The following FAM114A1 variants were observed in gnomAD, a reference collection of about 807,000 sequenced individuals.
The protein encoded by FAM114A1 is protein NOXP20.
A neutral mutation model predicts 64.3 loss-of-function variants in FAM114A1; 62 were observed. The observed-to-expected ratio is 0.96, with a 90% CI of 0.79 to 1.19. The LOEUF (loss-of-function observed/expected upper bound fraction) is 1.19, where lower values mean the gene tolerates loss of function less well. FAM114A1 is among the 50% of genes most tolerant of loss of function. The pLI, the probability that FAM114A1 is intolerant of heterozygous loss-of-function variation, is 0.00. For missense variants in FAM114A1, 645 were observed against 676.3 expected, an observed-to-expected ratio of 0.95 and a Z score of 0.51; for synonymous variants, 254 against 251.1, an observed-to-expected ratio of 1.01 and a Z score of -0.11.
At chr4:38,893,352 C>T (rs1297419231) in intron 4 of FAM114A1, among the ~76,000 whole-genome samples, 1 of 152,210 alleles carries the variant, frequency 6.6e-6, no homozygotes, top group Non-Finnish European at 1.5e-5. Flanking sequence ...CAGCTCTTCT[C>T]GTGGTTTATA....
rs144432688 is a variant in FAM114A1, at chr4:38,932,281, G to T, written c.1370G>T (p.Arg457Leu). 3.1e-6 allele frequency: 5 copies of T among 1,613,346 alleles called. No individual in the cohort carries two copies. Among genetic ancestry groups the T allele is most frequent in the Non-Finnish European group, 8.5e-7 (1 of 1,179,906 alleles). ...SIESLAEVTA[R>L]CIEQLHKVAE... Reference sequence around the variant, plus strand: ...GAAAGTCTGGCGGAGGTAACAGCGCGCTGTATTGAGCAGCTTCATAAAGTA... The same window carrying T: ...GAAAGTCTGGCGGAGGTAACAGCGCTCTGTATTGAGCAGCTTCATAAAGTA... The change falls in exon 12 of 15, where the codon CGC (arginine) becomes CTC (leucine). Residue 457 changes from arginine (R) to leucine (L), a missense_variant. By Grantham distance (102) the Arg-to-Leu change is moderately radical (BLOSUM62 -2). Transcript: ENST00000358869.
At chr4:38,874,038 A>C (rs867443556) in intron 2 of FAM114A1, among the ~76,000 whole-genome samples, 1 of 152,202 alleles carries the variant, frequency 6.6e-6, no homozygotes, top group Non-Finnish European at 1.5e-5. Context: ...ATGTAGATAG[A>C]TTCTCAATAA....
chr4:38,930,568 T>C (rs1435325041), intron 10 of FAM114A1, among the ~76,000 whole-genome samples: 1 of 152,200 alleles, frequency 6.6e-6, no homozygotes, highest in Non-Finnish European at 1.5e-5. Context: ...GAGGACACAC[T>C]GAGGACAGTT....
chr4:38,868,899 C>A (rs1458717527), intron 2 of FAM114A1, among the ~76,000 whole-genome samples: 1 of 152,182 alleles, frequency 6.6e-6, no homozygotes, highest in African/African-American at 2.4e-5. Context: ...ATCTGATAAA[C>A]TTCTTACATT....
At chr4:38,872,066 T>A (rs1206416648) in intron 2 of FAM114A1, among the ~76,000 whole-genome samples, 1 of 152,226 alleles carries the variant, frequency 6.6e-6, no homozygotes, top group African/African-American at 2.4e-5. Context: ...ACCTGAGGCA[T>A]CTTTCATGTC....
intron 6 of FAM114A1, among the ~76,000 whole-genome samples, chr4:38,907,644 C>T (rs1237316516): frequency 1.3e-5 from 2 of 151,786 alleles, no homozygotes; most frequent in Admixed American, 1.3e-4. Flanking sequence ...GTCTAAATAC[C>T]CAAGATGAAA....
chr4:38,872,837 G>T (rs1304415143), intron 2 of FAM114A1, among the ~76,000 whole-genome samples: 1 of 152,194 alleles, frequency 6.6e-6, no homozygotes, highest in African/African-American at 2.4e-5. Context: ...AACCATGACG[G>T]TCCCATATGT....
chr4:38,889,990 A>G (rs963795835), intron 3 of FAM114A1, among the ~76,000 whole-genome samples: 4 of 152,162 alleles, frequency 2.6e-5, no homozygotes, highest in African/African-American at 9.7e-5. Context: ...GAAAAAAGAG[A>G]AGGGGAAAGA....
rs1173273963 is a variant in FAM114A1 at position 38,945,541 on chromosome 4, G to A, written c.*1984G>A. On this transcript the variant is annotated 3_prime_UTR_variant, in exon 15 of 15. Transcript: ENST00000358869. ...TTCACATTTGCTTTGATTCCCCGAT[G>A]GAGTAGACTGCCTTTGTTCCATACA... 1 of 152,220 alleles carries A rather than the reference G, an allele frequency of 6.6e-6. No individual in the cohort carries two copies. 9.4% of individuals were successfully genotyped at this position (152,220 alleles called of 1,614,324 possible).
At chr4:38,930,578 T>G (rs1358670450) in intron 10 of FAM114A1, among the ~76,000 whole-genome samples, 2 of 152,138 alleles carry the variant, frequency 1.3e-5, no homozygotes, top group African/African-American at 4.8e-5. Flanking sequence ...TGAGGACAGT[T>G]TTGCTGGGTT....
At chr4:38,917,390 C>A (rs1189370623) in intron 8 of FAM114A1, among the ~76,000 whole-genome samples, 1 of 151,280 alleles carries the variant, frequency 6.6e-6, no homozygotes, top group Non-Finnish European at 1.5e-5. Context: ...AAACACCATG[C>A]AGAAGCTGTA....
intron 3 of FAM114A1, among the ~76,000 whole-genome samples, chr4:38,880,248 A>G (rs946506496): frequency 6.6e-6 from 1 of 152,178 alleles, no homozygotes; most frequent in Non-Finnish European, 1.5e-5. Flanking sequence ...AGCAATTTTT[A>G]AAAGTACCCC....
chr4:38,925,906 T>C (rs538430606), intron 9 of FAM114A1, among the ~76,000 whole-genome samples: 1 of 152,304 alleles, frequency 6.6e-6, no homozygotes, highest in East Asian at 1.9e-4. Context: ...AAACTTGCTT[T>C]GTATGTTTTA....
intron 2 of FAM114A1, among the ~76,000 whole-genome samples, chr4:38,875,759 T>G (rs1714552006): frequency 6.6e-6 from 1 of 152,180 alleles, no homozygotes; most frequent in African/African-American, 2.4e-5. Flanking sequence ...ATGCTTCCAG[T>G]TTTTGCCCCT....
intron 7 of FAM114A1, among the ~76,000 whole-genome samples, chr4:38,912,690 A>G (rs921117509): frequency 5.9e-5 from 9 of 152,012 alleles, no homozygotes; most frequent in African/African-American, 1.9e-4. Flanking sequence ...CCTACTCCCC[A>G]GTTTTGAGTG....
At chr4:38,927,456 C>T (rs552273718) in intron 9 of FAM114A1, among the ~76,000 whole-genome samples, 7 of 152,018 alleles carry the variant, frequency 4.6e-5, no homozygotes, top group South Asian at 4.2e-4. Context: ...GGCACTAATC[C>T]GGTTCATGGG....
chr4:38,889,950 A>G lies in FAM114A1; in HGVS notation c.349-1793A>G, dbSNP rs558161747. Reference sequence around the variant, plus strand: ...TGAGGCAGCAAAAATGACTGCTTCAATTTGAAGCTTCAGGTCCACATTCAG... The same window carrying G: ...TGAGGCAGCAAAAATGACTGCTTCAGTTTGAAGCTTCAGGTCCACATTCAG... On this transcript the variant is annotated intron_variant, in intron 3 of 14. Coordinates refer to ENST00000358869, the MANE Select transcript of FAM114A1 (RefSeq NM_138389.4). Among the ~76,000 whole-genome samples, 279 of 152,348 alleles carry G rather than the reference A, an allele frequency of 1.8e-3. 1 individual carries two copies. Among genetic ancestry groups the G allele is most frequent in the African/African-American group, 6.2e-3 (256 of 41,578 alleles).
At chr4:38,868,870 A>G (rs1159226211) in intron 2 of FAM114A1, among the ~76,000 whole-genome samples, 1 of 152,180 alleles carries the variant, frequency 6.6e-6, no homozygotes, top group Non-Finnish European at 1.5e-5. Context: ...TCTTCCATCA[A>G]GCCTGAGCTT....
intron 8 of FAM114A1, among the ~76,000 whole-genome samples, chr4:38,916,929 G>T (rs1452232796): frequency 6.6e-6 from 1 of 152,030 alleles, no homozygotes; most frequent in Admixed American, 6.6e-5. Flanking sequence ...TTGCATTGTT[G>T]TCAGCCCTTT....
Sources: gnomAD v4.1 joint callset for allele counts (sites outside exome capture counted in the v4.1 genomes callset) on GRCh38, gnomAD v4.1.1 for gene constraint, MANE v1.5 for transcripts, NCBI Gene and HGNC (gene_info 2026-07-23, HGNC 2026-07-21) for gene names.